Variants in CNTRL observed in about 807,000 individuals in gnomAD.
CNTRL encodes 110 kDa centrosomal protein.
CNTRL carries 233 observed loss-of-function variants against 303.7 expected under a neutral mutation model. The observed-to-expected ratio is 0.77, with a 90% CI of 0.69 to 0.86. The LOEUF is 0.86. Among genes scored for constraint, CNTRL ranks in the 40% least tolerant of loss-of-function variants. The probability of loss-of-function intolerance (pLI) is 0.00; values close to 1 mark genes in which losing one functional copy is unlikely to be tolerated. For synonymous variants in CNTRL, 900 were observed against 922.2 expected (o/e 0.98, Z 0.44); for missense variants, 2,524 against 2,650.6 (o/e 0.95, Z 1.05).
Position 121,145,224 on chromosome 9 carries a change from T to TTTGCCAAATACAAA in CNTRL, c.3169-20_3169-19insTTGCCAAATACAAA, listed in dbSNP as rs759345205. On this transcript the variant is annotated intron_variant, in intron 21 of 43. Transcript: ENST00000373855. ...GAATGAATTCATTGGCAACTTTGTA[T>TTTGCCAAATACAAA]GTGTAATTTTTTTAAATAGTTTCGA... 1 of 1,596,920 alleles carries TTTGCCAAATACAAA rather than the reference T, an allele frequency of 6.3e-7. No individual in the cohort carries two copies. The highest frequency in any genetic ancestry group is 1.7e-4 in the Middle Eastern group (1 of 5,968).
Position 121,099,851 on chromosome 9 carries a change from T to C in CNTRL, c.808+1279T>C, listed in dbSNP as rs535863174. ...GAATGAAATGAAGCCAGAAGAGAAG[T>C]TTAGAGAAAAAAGAGTAAAAAAAAA... On this transcript the variant is annotated intron_variant, in intron 7 of 43. Coordinates refer to ENST00000373855, the MANE Select transcript of CNTRL (RefSeq NM_007018.6). 4.0e-5 allele frequency among the ~76,000 whole-genome samples: 6 copies of C among 151,686 alleles called. No individual in the cohort carries two copies. The East Asian group carries it at 1.2e-3, about 29-fold the overall frequency.
intron 7 of CNTRL, among the ~76,000 whole-genome samples, chr9:121,101,087 C>T (rs1490145795): frequency 6.6e-6 from 1 of 152,232 alleles, no homozygotes; most frequent in Non-Finnish European, 1.5e-5. Context: ...CCCAAATCAA[C>T]AGAACATACA....
Position 121,113,703 on chromosome 9 carries a change from A to C in CNTRL, c.1324A>C (p.Lys442Gln). 6.5e-7 allele frequency: 1 copy of C among 1,536,250 alleles called. No homozygotes were observed. Among genetic ancestry groups the C allele is most frequent in the Non-Finnish European group, 8.7e-7 (1 of 1,149,460 alleles). ...HTPLDTQLED[K>Q]EKKISAAQTR... Reference sequence around the variant, plus strand: ...ACCACTGGACACGCAACTGGAAGACAAAGAAAAAAAAATAAGTGCAGGTTA... The same window carrying C: ...ACCACTGGACACGCAACTGGAAGACCAAGAAAAAAAAATAAGTGCAGGTTA... The change falls in exon 10 of 44, where the codon AAA becomes CAA. Residue 442 changes from lysine to glutamine, a missense_variant. Lys to Gln is a moderately conservative substitution (Grantham distance 53). Coordinates refer to ENST00000373855, the MANE Select transcript of CNTRL (RefSeq NM_007018.6).
rs750539422 is a variant in CNTRL, at chr9:121,077,804, A to G, written c.-204-2502A>G. On this transcript the variant is annotated intron_variant, in intron 1 of 43. Coordinates refer to ENST00000373855, the MANE Select transcript of CNTRL (RefSeq NM_007018.6). ...TCTACAAAAAATAAAAAATTAGCCA[A>G]GCGTGGTTATATGCGCCTGTAGTCC... Among the ~76,000 whole-genome samples, 19 of 121,252 alleles carry G rather than the reference A, an allele frequency of 1.6e-4. 1 individual carries two copies. Among genetic ancestry groups the G allele is most frequent in the Admixed American group, 6.5e-4 (7 of 10,834 alleles). 79.5% of individuals were successfully genotyped at this position (121,252 alleles called of 152,430 possible). A position where few individuals can be genotyped will look rare whatever the true frequency, so the allele number is the denominator to read the frequency against.
intron 2 of CNTRL, among the ~76,000 whole-genome samples, chr9:121,082,887 T>C (rs2132083779): frequency 6.7e-6 from 1 of 150,346 alleles, no homozygotes; most frequent in South Asian, 2.1e-4. Context: ...GGAGAATCGC[T>C]TGAACCCAGG....
Position 121,171,484 on chromosome 9 carries a change from G to A in CNTRL, c.6353G>A (p.Arg2118Gln), listed in dbSNP as rs770255916. ...CTGGTAGCCCAGGACAACCATGAGC[G>A]GGCCAGGCGCCTGATGAAGGAGCTC... ...IELVAQDNHE[R>Q]ARRLMKELNQ... is the part of the protein sequence containing the mutation. The change falls in exon 40 of 44, where the codon CGG becomes CAG. Residue 2118 changes from arginine to glutamine, a missense_variant. Physicochemically the swap from Arg to Gln is conservative, Grantham distance 43. Transcript: ENST00000373855. The A allele has an allele frequency of 2.2e-5, 36 of 1,614,078 alleles. No homozygotes were observed. Among genetic ancestry groups the A allele is most frequent in the Non-Finnish European group, 2.6e-5 (31 of 1,179,970 alleles).
At chr9:121,114,544 C>G (rs2049893679) in intron 10 of CNTRL, among the ~76,000 whole-genome samples, 1 of 152,118 alleles carries the variant, frequency 6.6e-6, no homozygotes, top group African/African-American at 2.4e-5. Flanking sequence ...GATTTTTATG[C>G]AGACTAGCTT....
Position 121,168,166 on chromosome 9 carries a change from A to C in CNTRL, c.5915A>C (p.Lys1972Thr). Residue 1972 changes from lysine to threonine, a missense_variant, in exon 38 of 44, where the codon AAG becomes ACG. Physicochemically the swap from Lys to Thr is moderately conservative, Grantham distance 78 (BLOSUM62 -1). Coordinates refer to ENST00000373855, the MANE Select transcript of CNTRL (RefSeq NM_007018.6). The part of the protein sequence containing the change: ...SKLETSKVTL[K>T]EQQHQLEKEL... ...TTAGAAACCAGTAAAGTGACACTGA[A>C]GGAGCAACAGCACCAGCTGGAAAAG... 6.2e-7 allele frequency: 1 copy of C among 1,614,160 alleles called. No homozygotes were observed. Among genetic ancestry groups the C allele is most frequent in the Non-Finnish European group, 8.5e-7 (1 of 1,180,040 alleles).
chr9:121,113,725 G>A lies in CNTRL; in HGVS notation c.1345+1G>A, dbSNP rs762593932. On this transcript the variant is annotated splice_donor_variant, in intron 10 of 43. Transcript: ENST00000373855. LOFTEE classifies it high-confidence loss of function. ...GACAAAGAAAAAAAAATAAGTGCAG[G>A]TTAAAAAAAGTTATTTTAAATTCTT... 8.0e-6 allele frequency: 12 copies of A among 1,497,056 alleles called. No homozygotes were observed. The East Asian group carries it at 1.4e-4, about 18-fold the overall frequency. 92.7% of individuals were successfully genotyped at this position (1,497,056 alleles called of 1,614,324 possible).
chr9:121,135,760 G>C, intron 14 of CNTRL, 46 bp from the exon 15 acceptor site: 1 of 1,532,280 alleles, frequency 6.5e-7, no homozygotes, highest in Non-Finnish European at 8.8e-7. Context: ...AAATGCTTAA[G>C]CAGCACAGTG....
intron 38 of CNTRL, among the ~76,000 whole-genome samples, chr9:121,168,613 T>A (rs2053185291): frequency 6.6e-6 from 1 of 152,174 alleles, no homozygotes; most frequent in Admixed American, 6.5e-5. Flanking sequence ...ACTCTTAAAG[T>A]ATATTACCTA....
intron 42 of CNTRL, among the ~76,000 whole-genome samples, chr9:121,174,371 TGTGTG>T (rs1333167413): frequency 6.6e-6 from 1 of 152,188 alleles, no homozygotes; most frequent in African/African-American, 2.4e-5. Flanking sequence ...TCTCCAGCCA[TGTGTG>T]GTTATTTAAA....
At chr9:121,089,381 C>A (rs1188817983) in intron 3 of CNTRL, among the ~76,000 whole-genome samples, 5 of 152,054 alleles carry the variant, frequency 3.3e-5, no homozygotes, top group Non-Finnish European at 5.9e-5. Flanking sequence ...GATCTCAACC[C>A]AGGATTAATT....
At chr9:121,104,725 G>C (rs1277845107) in intron 7 of CNTRL, among the ~76,000 whole-genome samples, 2 of 111,450 alleles carry the variant, frequency 1.8e-5, no homozygotes, top group Non-Finnish European at 1.7e-5. Context: ...TTTTGAGACA[G>C]AGTTTCGCTC....
At chr9:121,161,262 CTT>C in intron 32 of CNTRL, 8 of 438,278 alleles carry the variant, frequency 1.8e-5, no homozygotes, top group South Asian at 1.5e-4. Flanking sequence ...TTCTCTTATG[CTT>C]TTTTTTTGTA....
intron 13 of CNTRL, among the ~76,000 whole-genome samples, chr9:121,124,524 G>GT (rs2050398152): frequency 6.6e-6 from 1 of 152,124 alleles, no homozygotes; most frequent in African/African-American, 2.4e-5. Flanking sequence ...GGCCATAGTG[G>GT]TTTTTACACA....
Position 121,107,991 on chromosome 9 carries a change from A to G in CNTRL, c.998A>G (p.Glu333Gly), listed in dbSNP as rs758661060. The G allele has an allele frequency of 5.7e-6, 9 of 1,572,636 alleles. No individual in the cohort carries two copies. The highest frequency in any genetic ancestry group is 2.8e-5 in the African/African-American group (2 of 72,346). The change falls in exon 8 of 44, where the codon GAA (glutamate) becomes GGA (glycine). Residue 333 changes from glutamate to glycine, a missense_variant. By Grantham distance (98) the Glu-to-Gly change is moderately conservative (BLOSUM62 -2). Coordinates refer to ENST00000373855, the MANE Select transcript of CNTRL (RefSeq NM_007018.6). ...ELKSDLNTKN[E>G]LLKQKTIELT... The stretch of plus-strand genomic sequence containing the variant: ...AAGAGTGACTTAAACACAAAAAATG[A>G]ATTGGTAAGTTCATATTTTACATTG...
chr9:121,140,668 C>A lies in CNTRL; in HGVS notation c.2365C>A (p.Leu789Ile). Residue 789 changes from leucine (L) to isoleucine (I), a missense_variant, in exon 17 of 44, where the codon CTT (leucine) becomes ATT (isoleucine). By Grantham distance (5) the Leu-to-Ile change is conservative. Transcript: ENST00000373855. ...QDDNNLLKQQ[L>I]KDFQNHLNHV... ...TGACAATAATCTGTTAAAACAGCAA[C>A]TTAAAGATTTCCAGAATCACCTTAA... 1 of 1,612,424 alleles carries A rather than the reference C, an allele frequency of 6.2e-7. No individual in the cohort carries two copies. The highest frequency in any genetic ancestry group is 2.2e-5 in the East Asian group (1 of 44,790).
chr9:121,075,208 A>G, intron 1 of CNTRL, 141 bp downstream of exon 1: 1 of 337,896 alleles, frequency 3.0e-6, no homozygotes, highest in Non-Finnish European at 5.8e-6. Flanking sequence ...GTGTCTGGGA[A>G]TTGGGATTGG....
Sources: allele counts gnomAD v4.1 joint callset (sites outside exome capture counted in the v4.1 genomes callset), GRCh38; gene constraint gnomAD v4.1.1; transcripts MANE v1.5; gene names NCBI Gene and HGNC (gene_info 2026-07-23, HGNC 2026-07-21).